Variants in FHIT observed in about 807,000 individuals in gnomAD.
FHIT encodes fragile histidine triad diadenosine triphosphatase, also known as bis(5'-adenosyl)-triphosphatase.
Under a neutral mutation model 17.9 loss-of-function variants are expected in FHIT, and 19 were observed. The observed-to-expected ratio is 1.06, with a 90% CI of 0.74 to 1.56. The LOEUF is 1.56. Ranked by LOEUF, FHIT falls within the 40% of genes most tolerant of loss-of-function variation. The probability of loss-of-function intolerance (pLI) is 0.00; values close to 1 mark genes in which losing one functional copy is unlikely to be tolerated. For synonymous variants in FHIT, 81 were observed against 69.7 expected (o/e 1.16, Z -0.81); for missense variants, 248 against 189.2 (o/e 1.31, Z -1.82).
At chr3:61,031,736 A>G (rs1382787973) in intron 3 of FHIT, among the ~76,000 whole-genome samples, 2 of 152,190 alleles carry the variant, frequency 1.3e-5, no homozygotes, top group African/African-American at 4.8e-5. Flanking sequence ...ACAAAATGCC[A>G]TCATCAGCTT....
chr3:59,749,427 GA>G lies in FHIT; in HGVS notation c.*157del. The G allele has an allele frequency of 4.3e-6, 1 of 231,802 alleles. No individual in the cohort carries two copies. Among genetic ancestry groups the G allele is most frequent in the South Asian group, 1.8e-4 (1 of 5,496 alleles). 14.4% of individuals were successfully genotyped at this position (231,802 alleles called of 1,614,324 possible). ...GTATTTTAAGGGAGTTGGAGTGACCGAGGTGGGGGATCACTGGTTGAAGAAT... is the reference window on the plus strand; with the variant it reads ...GTATTTTAAGGGAGTTGGAGTGACCGGGTGGGGGATCACTGGTTGAAGAAT... On this transcript the variant is annotated 3_prime_UTR_variant, in exon 10 of 10. Coordinates refer to ENST00000492590, the MANE Select transcript of FHIT (RefSeq NM_002012.4).
chr3:61,131,825 A>G (rs977924025), intron 2 of FHIT, among the ~76,000 whole-genome samples: 2 of 152,228 alleles, frequency 1.3e-5, no homozygotes, highest in African/African-American at 4.8e-5. Flanking sequence ...AGCTTTACAC[A>G]TCCCAGTCTT....
intron 5 of FHIT, among the ~76,000 whole-genome samples, chr3:60,512,824 T>C (rs2035001069): frequency 6.6e-6 from 1 of 152,208 alleles, no homozygotes; most frequent in Non-Finnish European, 1.5e-5. Context: ...TCAAATAATT[T>C]AATGTCATGA....
intron 3 of FHIT, among the ~76,000 whole-genome samples, chr3:60,955,609 T>TATATATATATATATAC (rs1553778502): frequency 4.4e-4 from 4 of 9,150 alleles, no homozygotes; most frequent in African/African-American, 6.9e-4. Flanking sequence ...TATATATATA[T>TATATATATATATATAC]ATATATATAT....
At chr3:60,847,461 C>G (rs1553746901) in intron 3 of FHIT, among the ~76,000 whole-genome samples, 7 of 152,132 alleles carry the variant, frequency 4.6e-5, no homozygotes, top group Non-Finnish European at 8.8e-5. Context: ...GGACCCCTGA[C>G]TGGGGCTACC....
chr3:59,963,501 A>T (rs1707784128), intron 7 of FHIT, among the ~76,000 whole-genome samples: 1 of 152,128 alleles, frequency 6.6e-6, no homozygotes, highest in South Asian at 2.1e-4. Flanking sequence ...ACAGAAAGAG[A>T]TATCACAGAA....
At chr3:60,539,152 A>G (rs1028045510) in intron 4 of FHIT, among the ~76,000 whole-genome samples, 2 of 152,264 alleles carry the variant, frequency 1.3e-5, no homozygotes, top group Admixed American at 6.5e-5. Context: ...GACAGTTCTC[A>G]AAAGAAGACA....
chr3:60,957,370 T>C (rs981829103), intron 3 of FHIT, among the ~76,000 whole-genome samples: 2 of 151,714 alleles, frequency 1.3e-5, no homozygotes, highest in Non-Finnish European at 2.9e-5. Context: ...CCTGAGTAGC[T>C]GGGATTACAG....
intron 4 of FHIT, among the ~76,000 whole-genome samples, chr3:60,734,393 T>C (rs2107995060): frequency 6.6e-6 from 1 of 152,342 alleles, no homozygotes; most frequent in East Asian, 1.9e-4. Context: ...AGTCTCTCTA[T>C]ATTTTAATTT....
At chr3:60,873,571 C>A (rs1553755567) in intron 3 of FHIT, among the ~76,000 whole-genome samples, 1 of 152,158 alleles carries the variant, frequency 6.6e-6, no homozygotes, top group African/African-American at 2.4e-5. Context: ...CACAAACCAA[C>A]AAACCATCCA....
chr3:60,928,408 CAT>C (rs1374837649), intron 3 of FHIT, among the ~76,000 whole-genome samples: 1 of 147,960 alleles, frequency 6.8e-6, no homozygotes, highest in African/African-American at 2.5e-5. Context: ...ATTAGCCAGG[CAT>C]GGTGGAGTAT....
chr3:61,116,273 C>T (rs2036295945), intron 2 of FHIT, among the ~76,000 whole-genome samples: 1 of 152,090 alleles, frequency 6.6e-6, no homozygotes, highest in Non-Finnish European at 1.5e-5. Flanking sequence ...TTGCATGTTA[C>T]TGCATAATAT....
chr3:60,629,008 G>T (rs2039369649), intron 4 of FHIT, among the ~76,000 whole-genome samples: 1 of 151,992 alleles, frequency 6.6e-6, no homozygotes, highest in African/African-American at 2.4e-5. Flanking sequence ...AGGGGGACTG[G>T]GGCCTCAATA....
intron 4 of FHIT, among the ~76,000 whole-genome samples, chr3:60,676,028 C>T (rs1474579833): frequency 1.3e-5 from 2 of 152,166 alleles, no homozygotes; most frequent in African/African-American, 4.8e-5. Context: ...TTACGTATAT[C>T]AATCTTCTAA....
At chr3:60,555,760 C>A (rs959818453) in intron 4 of FHIT, among the ~76,000 whole-genome samples, 1 of 152,216 alleles carries the variant, frequency 6.6e-6, no homozygotes, top group Admixed American at 6.5e-5. Flanking sequence ...TGGCTGCCTA[C>A]TGGGGAGCAT....
intron 5 of FHIT, among the ~76,000 whole-genome samples, chr3:60,174,695 A>G (rs1467256104): frequency 2.0e-5 from 3 of 152,166 alleles, no homozygotes; most frequent in African/African-American, 7.2e-5. Flanking sequence ...ACCATTTAAA[A>G]TAAACCACTC....
intron 8 of FHIT, among the ~76,000 whole-genome samples, chr3:59,819,213 G>T (rs1700707492): frequency 6.6e-6 from 1 of 152,162 alleles, no homozygotes; most frequent in East Asian, 1.9e-4. Flanking sequence ...GATTTGGGGA[G>T]GTTGCTCACA....
intron 8 of FHIT, among the ~76,000 whole-genome samples, chr3:59,766,099 G>GT (rs1482527457): frequency 3.3e-5 from 5 of 152,128 alleles, no homozygotes; most frequent in Non-Finnish European, 5.9e-5. Flanking sequence ...CAAGGGGATG[G>GT]TTTTTTGTGT....
chr3:59,908,067 T>G (rs1465750898), intron 8 of FHIT, among the ~76,000 whole-genome samples: 1 of 152,222 alleles, frequency 6.6e-6, no homozygotes, highest in Non-Finnish European at 1.5e-5. Context: ...AGCCTCTAAT[T>G]GAATCTTCTA....
Sources: gnomAD v4.1 joint callset for allele counts (sites outside exome capture counted in the v4.1 genomes callset) on GRCh38, gnomAD v4.1.1 for gene constraint, MANE v1.5 for transcripts, NCBI Gene and HGNC (gene_info 2026-07-23, HGNC 2026-07-21) for gene names.